Variants in CNTNAP2 observed in about 807,000 individuals in gnomAD.
The protein encoded by CNTNAP2 is contactin associated protein 2.
In CNTNAP2, 98 loss-of-function variants were observed where a neutral mutation model predicts 155.2. That is an observed-to-expected ratio of 0.63 (90% confidence interval 0.54 to 0.75). The LOEUF (loss-of-function observed/expected upper bound fraction) is 0.75, where lower values mean the gene tolerates loss of function less well. Among genes scored for constraint, CNTNAP2 ranks in the 30% least tolerant of loss-of-function variants. The pLI, the probability that CNTNAP2 is intolerant of heterozygous loss-of-function variation, is 0.00. For synonymous variants in CNTNAP2, 651 were observed against 631.2 expected (o/e 1.03, Z -0.47); for missense variants, 1,727 against 1,688.1 (o/e 1.02, Z -0.40).
At chr7:146,413,016 G>T (rs1399079357) in intron 1 of CNTNAP2, among the ~76,000 whole-genome samples, 1 of 152,164 alleles carries the variant, frequency 6.6e-6, no homozygotes, top group Non-Finnish European at 1.5e-5. Context: ...GTGGCTGATT[G>T]TCGGTGAATC....
At chr7:146,359,281 C>G (rs541881324) in intron 1 of CNTNAP2, among the ~76,000 whole-genome samples, 1 of 152,312 alleles carries the variant, frequency 6.6e-6, no homozygotes, top group South Asian at 2.1e-4. Flanking sequence ...TCAAGGCTTT[C>G]AAAACTTTCT....
chr7:147,280,892 G>A (rs1187486520), intron 8 of CNTNAP2, among the ~76,000 whole-genome samples: 2 of 151,828 alleles, frequency 1.3e-5, no homozygotes, highest in Non-Finnish European at 2.9e-5. Context: ...AAAATCTCAA[G>A]TTTTGGAAAG....
chr7:148,343,381 C>G (rs1160463143), intron 21 of CNTNAP2, among the ~76,000 whole-genome samples: 3 of 152,226 alleles, frequency 2.0e-5, no homozygotes, highest in Non-Finnish European at 4.4e-5. Flanking sequence ...CAGCATTTGT[C>G]AATGTATTTT....
intron 22 of CNTNAP2, among the ~76,000 whole-genome samples, chr7:148,391,712 G>A (rs1015318431): frequency 1.3e-5 from 2 of 152,136 alleles, no homozygotes; most frequent in South Asian, 4.2e-4. Flanking sequence ...GTCTAATTTA[G>A]GGAATCTTAT....
intron 17 of CNTNAP2, among the ~76,000 whole-genome samples, chr7:148,160,407 C>T (rs1364064906): frequency 4.0e-5 from 6 of 148,834 alleles, no homozygotes; most frequent in African/African-American, 1.5e-4. Context: ...GAGACCCTAA[C>T]TCTAAAAAAA....
chr7:148,231,770 C>T lies in CNTNAP2; in HGVS notation c.3381+1991C>T, dbSNP rs553592743. Among the ~76,000 whole-genome samples the T allele has an allele frequency of 2.0e-5, 3 of 152,242 alleles. No individual in the cohort carries two copies. In the East Asian group the frequency reaches 5.8e-4, roughly 29 times the overall value. ...GGCCTGGTTTGAGTCACGTGCTCAC[C>T]TTGTTGGGTGGAAGGGGGAACAAAG... On this transcript the variant is annotated intron_variant, in intron 20 of 23. Transcript: ENST00000361727.
chr7:147,909,773 C>T (rs1800028122), intron 14 of CNTNAP2, among the ~76,000 whole-genome samples: 1 of 152,152 alleles, frequency 6.6e-6, no homozygotes, highest in Non-Finnish European at 1.5e-5. Flanking sequence ...GAAAGAATTG[C>T]CATTCATTGC....
chr7:147,487,997 CATAA>C (rs1011908993), intron 11 of CNTNAP2, among the ~76,000 whole-genome samples: 42 of 152,198 alleles, frequency 2.8e-4, no homozygotes, highest in African/African-American at 9.6e-4. Flanking sequence ...CCAACGTGTG[CATAA>C]ATAGAGGTGA....
chr7:148,374,597 G>GA, intron 21 of CNTNAP2, among the ~76,000 whole-genome samples: 1 of 152,054 alleles, frequency 6.6e-6, no homozygotes, highest in Non-Finnish European at 1.5e-5. Context: ...GTTCTCCAAA[G>GA]CCAAAAAAAC....
At chr7:146,179,011 T>A (rs911940362) in intron 1 of CNTNAP2, among the ~76,000 whole-genome samples, 2 of 152,150 alleles carry the variant, frequency 1.3e-5, no homozygotes, top group Non-Finnish European at 2.9e-5. Context: ...AACTGAGACT[T>A]TTACAACATG....
intron 13 of CNTNAP2, among the ~76,000 whole-genome samples, chr7:147,770,266 G>T (rs1797449508): frequency 6.6e-6 from 1 of 152,188 alleles, no homozygotes; most frequent in Admixed American, 6.5e-5. Context: ...CACTACTATA[G>T]TGTTGTTGTT....
chr7:146,865,833 C>G (rs940836844), intron 3 of CNTNAP2, among the ~76,000 whole-genome samples: 1 of 152,036 alleles, frequency 6.6e-6, no homozygotes. Flanking sequence ...AAAATCAAAC[C>G]ACATGCTGGG....
chr7:146,884,965 G>A (rs1795627059), intron 3 of CNTNAP2, among the ~76,000 whole-genome samples: 1 of 152,024 alleles, frequency 6.6e-6, no homozygotes, highest in South Asian at 2.1e-4. Flanking sequence ...CCTAATCACT[G>A]CATTTGATAA....
intron 14 of CNTNAP2, among the ~76,000 whole-genome samples, chr7:147,916,796 T>C (rs1430300941): frequency 1.3e-5 from 2 of 152,136 alleles, no homozygotes; most frequent in African/African-American, 4.8e-5. Context: ...AAACACGTTA[T>C]AATTGTGGAC....
At chr7:148,189,396 T>C (rs1795168197) in intron 18 of CNTNAP2, among the ~76,000 whole-genome samples, 1 of 152,090 alleles carries the variant, frequency 6.6e-6, no homozygotes, top group South Asian at 2.1e-4. Context: ...ACCCCTAAGC[T>C]GGTTGAGGGA....
chr7:148,056,030 C>T lies in CNTNAP2; in HGVS notation c.2384-62088C>T, dbSNP rs190590938. Among the ~76,000 whole-genome samples, 7 of 152,218 alleles carry T rather than the reference C, an allele frequency of 4.6e-5. No homozygotes were observed. In the East Asian group the frequency reaches 5.8e-4, roughly 13 times the overall value. On this transcript the variant is annotated intron_variant, in intron 15 of 23. Transcript: ENST00000361727. Reference sequence around the variant, plus strand: ...TAACAGAAAGTTCTGTGTTGAATAGCGATGAACGGATTCACTCCAACCTTC... The same window carrying T: ...TAACAGAAAGTTCTGTGTTGAATAGTGATGAACGGATTCACTCCAACCTTC...
chr7:147,493,756 T>C (rs1401719087), intron 11 of CNTNAP2, among the ~76,000 whole-genome samples: 1 of 152,202 alleles, frequency 6.6e-6, no homozygotes, highest in Non-Finnish European at 1.5e-5. Context: ...TGGATACATG[T>C]AGACACATAG....
chr7:147,727,008 C>T (rs919507175), intron 13 of CNTNAP2, among the ~76,000 whole-genome samples: 3 of 134,208 alleles, frequency 2.2e-5, no homozygotes, highest in South Asian at 2.4e-4. Flanking sequence ...CATACATATG[C>T]GTATATGTAT....
intron 1 of CNTNAP2, among the ~76,000 whole-genome samples, chr7:146,461,661 C>A (rs183197690): frequency 6.6e-6 from 1 of 152,190 alleles, no homozygotes; most frequent in East Asian, 1.9e-4. Flanking sequence ...TAGAATCAGA[C>A]GTTGGTCCCT....
Sources: allele counts gnomAD v4.1 joint callset (sites outside exome capture counted in the v4.1 genomes callset), GRCh38; gene constraint gnomAD v4.1.1; transcripts MANE v1.5; gene names NCBI Gene and HGNC (gene_info 2026-07-23, HGNC 2026-07-21).